The following PSAPL1 variants were observed in gnomAD, a reference collection of about 807,000 sequenced individuals.
The protein encoded by PSAPL1 is prosaposin like 1, also known as proactivator polypeptide-like 1.
For synonymous variants in PSAPL1, 351 were observed against 291.6 expected, an observed-to-expected ratio of 1.20 and a Z score of -2.08; for missense variants, 814 against 688.8, an observed-to-expected ratio of 1.18 and a Z score of -2.03.
Position 7,433,885 on chromosome 4 carries a change from A to G in PSAPL1, c.995T>C (p.Ile332Thr). 4.3e-6 allele frequency: 7 copies of G among 1,613,794 alleles called. No individual in the cohort carries two copies. Among genetic ancestry groups the G allele is most frequent in the Non-Finnish European group, 3.4e-6 (4 of 1,179,878 alleles). The change falls in exon 1 of 1, where the codon ATC becomes ACC. Residue 332 changes from isoleucine (I) to threonine (T), a missense_variant. Coordinates refer to ENST00000319098, the MANE Select transcript of PSAPL1 (RefSeq NM_001085382.2). ...ERVCSVMPASITKECIILVDT... is the reference protein window; with the variant it reads ...ERVCSVMPASTTKECIILVDT... ...CACCAAGATGATGCACTCCTTCGTG[A>G]TAGAGGCAGGCATTACCGAGCACAC... is the stretch of plus-strand genomic sequence containing the variant.
At position 7,430,898 on chromosome 4, in the gene PSAPL1, T is replaced by G. The variant is rs1726801048; in HGVS notation, c.*2416A>C. ...CAGTCTCAGTGCTGAATGGTGGTGC[T>G]GCCGTCAGCACCAGTGGGCCCGTCC... On this transcript the variant is annotated 3_prime_UTR_variant, in exon 1 of 1. Coordinates refer to ENST00000319098, the MANE Select transcript of PSAPL1 (RefSeq NM_001085382.2). The G allele has an allele frequency of 1.3e-5, 2 of 151,814 alleles. No homozygotes were observed. The highest frequency in any genetic ancestry group is 2.9e-5 in the Non-Finnish European group (2 of 67,978). 9.4% of individuals were successfully genotyped at this position (151,814 alleles called of 1,614,324 possible). A position where few individuals can be genotyped will look rare whatever the true frequency, so the allele number is the denominator to read the frequency against.
In PSAPL1 at chr4:7,434,342, C is replaced by G. The variant is rs769822761; in HGVS notation, c.538G>C (p.Glu180Gln). 1.2e-6 allele frequency: 2 copies of G among 1,609,858 alleles called. No individual in the cohort carries two copies. The highest frequency in any genetic ancestry group is 3.4e-5 in the Admixed American group (2 of 59,430). The change falls in exon 1 of 1, where the codon GAA becomes CAA. Residue 180 changes from glutamate to glutamine, a missense_variant. Transcript: ENST00000319098. ...PLTFHPRQAPEGALCQDCVRQ... is the reference protein window; with the variant it reads ...PLTFHPRQAPQGALCQDCVRQ... ...ACACAGTCTTGGCACAGAGCTCCTT[C>G]AGGCGCCTGGCGGGGGTGGAAGGTA...
Position 7,434,217 on chromosome 4 carries a change from G to T in PSAPL1, c.663C>A (p.Ala221=). 1 of 1,613,692 alleles carries T rather than the reference G, an allele frequency of 6.2e-7. No individual in the cohort carries two copies. Among genetic ancestry groups the T allele is most frequent in the Non-Finnish European group, 8.5e-7 (1 of 1,179,908 alleles). Residue 221 remains alanine, a synonymous_variant, in exon 1 of 1, where the codon GCC becomes GCA. Coordinates refer to ENST00000319098, the MANE Select transcript of PSAPL1 (RefSeq NM_001085382.2). ...GGAAGAGGTAGTTCTTGCAGAGGACGGCCAGGCCAGGCCCCAAGGACTCAC... is the reference window on the plus strand; with the variant it reads ...GGAAGAGGTAGTTCTTGCAGAGGACTGCCAGGCCAGGCCCCAAGGACTCAC... ...EQCESLGPGL[A]VLCKNYLFQF... is the part of the protein sequence containing the mutation.
At position 7,434,147 on chromosome 4, in the gene PSAPL1, G is replaced by C. The variant is rs765536291; in HGVS notation, c.733C>G (p.Gln245Glu). The C allele has an allele frequency of 1.2e-6, 2 of 1,613,776 alleles. No individual in the cohort carries two copies. Among genetic ancestry groups the C allele is most frequent in the Non-Finnish European group, 8.5e-7 (1 of 1,179,870 alleles). ...ADQALRLLPPQELCRKGGFCE... is the reference protein window; with the variant it reads ...ADQALRLLPPEELCRKGGFCE... ...AATCCCCCCTTCCTGCAGAGCTCCT[G>C]CGGGGGGAGAAGCCTCAGTGCTTGG... The change falls in exon 1 of 1, where the codon CAG becomes GAG. Residue 245 changes from glutamine (Q) to glutamate (E), a missense_variant. Gln to Glu is a conservative substitution (Grantham distance 29). Transcript: ENST00000319098.
Position 7,434,329 on chromosome 4 carries a change from C to T in PSAPL1, c.551G>A (p.Cys184Tyr), listed in dbSNP as rs1395980142. The T allele has an allele frequency of 1.9e-6, 3 of 1,610,900 alleles. No individual in the cohort carries two copies. The South Asian group carries it at 3.3e-5, about 18-fold the overall frequency. The change falls in exon 1 of 1, where the codon TGC becomes TAC. Residue 184 changes from cysteine to tyrosine, a missense_variant. By Grantham distance (194) the Cys-to-Tyr change is radical. Coordinates refer to ENST00000319098, the MANE Select transcript of PSAPL1 (RefSeq NM_001085382.2). ...GGAGACCTGCCGTACACAGTCTTGG[C>T]ACAGAGCTCCTTCAGGCGCCTGGCG... ...HPRQAPEGALCQDCVRQVSRL... is the reference protein window; with the variant it reads ...HPRQAPEGALYQDCVRQVSRL...
At position 7,433,572 on chromosome 4, in the gene PSAPL1, G is replaced by T. The variant is rs371026897; in HGVS notation, c.1308C>A (p.Ile436=). The change falls in exon 1 of 1, where the codon ATC becomes ATA. Residue 436 remains isoleucine, a synonymous_variant. Coordinates refer to ENST00000319098, the MANE Select transcript of PSAPL1 (RefSeq NM_001085382.2). The part of the protein sequence containing the change: ...GCSILPLPYM[I]QCKHFVTQYE... The stretch of plus-strand genomic sequence containing the variant: ...ACTGGGTGACGAAGTGCTTGCACTG[G>T]ATCATATAGGGCAGCGGCAGGATGC... 1.9e-6 allele frequency: 3 copies of T among 1,611,782 alleles called. No homozygotes were observed. Among genetic ancestry groups the T allele is most frequent in the Non-Finnish European group, 2.5e-6 (3 of 1,179,168 alleles).
rs1031132546 is a variant in PSAPL1 at position 7,432,455 on chromosome 4, A to G, written c.*859T>C. 3 of 152,138 alleles carry G rather than the reference A, an allele frequency of 2.0e-5. No homozygotes were observed. Among genetic ancestry groups the G allele is most frequent in the Admixed American group, 6.5e-5 (1 of 15,278 alleles). The allele number at this position is 152,138 out of a possible 1,614,324, so 9.4% of individuals were successfully genotyped here. A position where few individuals can be genotyped will look rare whatever the true frequency, so the allele number is the denominator to read the frequency against. On this transcript the variant is annotated 3_prime_UTR_variant, in exon 1 of 1. Coordinates refer to ENST00000319098, the MANE Select transcript of PSAPL1 (RefSeq NM_001085382.2). ...TATGATCATCCCCATTCTACAGATT[A>G]GAAAACTGAGGCTCAGACAGCTGGA... is the stretch of plus-strand genomic sequence containing the variant.
rs886782657 is a variant in PSAPL1, at chr4:7,432,720, G to A, written c.*594C>T. On this transcript the variant is annotated 3_prime_UTR_variant, in exon 1 of 1. Transcript: ENST00000319098. ...CTGCTCCGAAGCCCAGCAGCCCTTG[G>A]AGAATGTGACCAAAGCCCCAGACCT... is the stretch of plus-strand genomic sequence containing the variant. The A allele has an allele frequency of 6.6e-6, 1 of 152,314 alleles. No homozygotes were observed. Among genetic ancestry groups the A allele is most frequent in the African/African-American group, 2.4e-5 (1 of 41,408 alleles). The allele number at this position is 152,314 out of a possible 1,614,324, so 9.4% of individuals were successfully genotyped here. A position where few individuals can be genotyped will look rare whatever the true frequency, so the allele number is the denominator to read the frequency against.
Position 7,433,178 on chromosome 4 carries a change from T to G in PSAPL1, c.*136A>C. On this transcript the variant is annotated 3_prime_UTR_variant, in exon 1 of 1. Coordinates refer to ENST00000319098, the MANE Select transcript of PSAPL1 (RefSeq NM_001085382.2). ...GAGAGGCTTTCGGGATCAGGAATAC[T>G]TGGTTTTGAACTTCAGCTCTGCTCC... 1.1e-6 allele frequency: 1 copy of G among 898,822 alleles called. No homozygotes were observed. The highest frequency in any genetic ancestry group is 1.5e-6 in the Non-Finnish European group (1 of 665,484). The allele number at this position is 898,822 out of a possible 1,614,324, so 55.7% of individuals were successfully genotyped here. A position where few individuals can be genotyped will look rare whatever the true frequency, so the allele number is the denominator to read the frequency against.
rs761579710 is a variant in PSAPL1 at position 7,434,127 on chromosome 4, C to T, written c.753G>A (p.Gly251=). The T allele has an allele frequency of 7.4e-6, 12 of 1,613,148 alleles. No individual in the cohort carries two copies. In the African/African-American group the frequency reaches 1.1e-4, roughly 14 times the overall value. The change falls in exon 1 of 1, where the codon GGG becomes GGA. Residue 251 remains glycine (G), a synonymous_variant. Transcript: ENST00000319098. ...GTGCCCCTAGCTCCTCACAGAATCC[C>T]CCCTTCCTGCAGAGCTCCTGCGGGG... is the stretch of plus-strand genomic sequence containing the variant. ...LLPPQELCRK[G]GFCEELGAPA...
chr4:7,434,347 G>A lies in PSAPL1; in HGVS notation c.533C>T (p.Ala178Val), dbSNP rs763107725. The change falls in exon 1 of 1, where the codon GCG becomes GTG. Residue 178 changes from alanine to valine, a missense_variant. Physicochemically the swap from Ala to Val is moderately conservative, Grantham distance 64. Coordinates refer to ENST00000319098, the MANE Select transcript of PSAPL1 (RefSeq NM_001085382.2). ...GTCTTGGCACAGAGCTCCTTCAGGC[G>A]CCTGGCGGGGGTGGAAGGTAAGGGG... ...NGPLTFHPRQ[A>V]PEGALCQDCV... The A allele has an allele frequency of 9.3e-6, 15 of 1,608,722 alleles. No individual in the cohort carries two copies. The highest frequency in any genetic ancestry group is 6.7e-5 in the African/African-American group (5 of 74,874).
At position 7,433,296 on chromosome 4, in the gene PSAPL1, G is replaced by T; in HGVS notation, c.*18C>A. On this transcript the variant is annotated 3_prime_UTR_variant, in exon 1 of 1. Transcript: ENST00000319098. Reference sequence around the variant, plus strand: ...TCATGGGCCTCGCTAGCAGGCTCTGGGTCTCTGGCAGCCACGGTCACGCGT... The same window carrying T: ...TCATGGGCCTCGCTAGCAGGCTCTGTGTCTCTGGCAGCCACGGTCACGCGT... The T allele has an allele frequency of 2.9e-6, 4 of 1,370,844 alleles. No homozygotes were observed. Among genetic ancestry groups the T allele is most frequent in the Middle Eastern group, 3.8e-4 (2 of 5,318 alleles). 84.9% of individuals were successfully genotyped at this position (1,370,844 alleles called of 1,614,324 possible).
Position 7,433,087 on chromosome 4 carries a change from C to T in PSAPL1, c.*227G>A. ...CTTGGCTGGGTCAGGGAGCGGGGCA[C>T]ATGAGTGTGTTCCGGTCCAGTAGAG... On this transcript the variant is annotated 3_prime_UTR_variant, in exon 1 of 1. Coordinates refer to ENST00000319098, the MANE Select transcript of PSAPL1 (RefSeq NM_001085382.2). 1 of 392,230 alleles carries T rather than the reference C, an allele frequency of 2.5e-6. No homozygotes were observed. Among genetic ancestry groups the T allele is most frequent in the Non-Finnish European group, 4.4e-6 (1 of 227,906 alleles). 24.3% of individuals were successfully genotyped at this position (392,230 alleles called of 1,614,324 possible).
rs1726816691 is a variant in PSAPL1 at position 7,431,077 on chromosome 4, T to G, written c.*2237A>C. The stretch of plus-strand genomic sequence containing the variant: ...AGGCCTCCACAGCTTTGGTGGCGGA[T>G]GAGTGAGTGGAGGGGTCAGAGGGCC... On this transcript the variant is annotated 3_prime_UTR_variant, in exon 1 of 1. Transcript: ENST00000319098. The G allele has an allele frequency of 6.6e-6, 1 of 152,292 alleles. No homozygotes were observed. Among genetic ancestry groups the G allele is most frequent in the Admixed American group, 6.5e-5 (1 of 15,284 alleles). 9.4% of individuals were successfully genotyped at this position (152,292 alleles called of 1,614,324 possible). A position where few individuals can be genotyped will look rare whatever the true frequency, so the allele number is the denominator to read the frequency against.
rs746037915 is a variant in PSAPL1, at chr4:7,433,943, A to G, written c.937T>C (p.Ser313Pro). ...KLDHWLMSNS[S>P]ELMITHALER... ...AGGGCATGGGTGATCATGAGCTCAG[A>G]GCTGTTGGACATGAGCCAGTGGTCC... Residue 313 changes from serine to proline, a missense_variant, in exon 1 of 1, where the codon TCT becomes CCT. By Grantham distance (74) the Ser-to-Pro change is moderately conservative. Coordinates refer to ENST00000319098, the MANE Select transcript of PSAPL1 (RefSeq NM_001085382.2). 1 of 1,613,834 alleles carries G rather than the reference A, an allele frequency of 6.2e-7. No individual in the cohort carries two copies. The highest frequency in any genetic ancestry group is 8.5e-7 in the Non-Finnish European group (1 of 1,179,878).
Position 7,434,150 on chromosome 4 carries a change from G to T in PSAPL1, c.730C>A (p.Pro244Thr), listed in dbSNP as rs1234266136. ...CCCCCCTTCCTGCAGAGCTCCTGCG[G>T]GGGGAGAAGCCTCAGTGCTTGGTCA... ...PADQALRLLP[P>T]QELCRKGGFC... The change falls in exon 1 of 1, where the codon CCG becomes ACG. Residue 244 changes from proline (P) to threonine (T), a missense_variant. Physicochemically the swap from Pro to Thr is conservative, Grantham distance 38. Coordinates refer to ENST00000319098, the MANE Select transcript of PSAPL1 (RefSeq NM_001085382.2). The T allele has an allele frequency of 6.2e-7, 1 of 1,613,912 alleles. No individual in the cohort carries two copies. Among genetic ancestry groups the T allele is most frequent in the Non-Finnish European group, 8.5e-7 (1 of 1,179,854 alleles).
chr4:7,434,167 GC>G, the PSAPL1 span: 1 of 1,613,948 alleles, frequency 6.2e-7, no homozygotes. Context: ...AAGCCTCAGT[GC>G]TTGGTCAGCA....
the PSAPL1 span, chr4:7,433,851 G>C: frequency 1.2e-6 from 2 of 1,613,796 alleles, no homozygotes; most frequent in African/African-American, 2.7e-5. Flanking sequence ...AGGAGGGGCT[G>C]TAGGTGTCCA....
rs1437327344 is a variant in PSAPL1 at position 7,434,651 on chromosome 4, C to T, written c.229G>A (p.Gly77Arg). ...CQDIAAAAGN[G>R]LNPDATESDI... Reference sequence around the variant, plus strand: ...GACTCCGTGGCGTCAGGGTTCAGCCCATTGCCAGCGGCGGCTGCTATGTCC... The same window carrying T: ...GACTCCGTGGCGTCAGGGTTCAGCCTATTGCCAGCGGCGGCTGCTATGTCC... The change falls in exon 1 of 1, where the codon GGG (glycine) becomes AGG (arginine). Residue 77 changes from glycine (G) to arginine (R), a missense_variant. Physicochemically the swap from Gly to Arg is moderately radical, Grantham distance 125. Transcript: ENST00000319098. 8.1e-6 allele frequency: 13 copies of T among 1,613,254 alleles called. No individual in the cohort carries two copies. Among genetic ancestry groups the T allele is most frequent in the Non-Finnish European group, 1.1e-5 (13 of 1,179,638 alleles).
Sources: allele counts gnomAD v4.1 joint callset, GRCh38; gene constraint gnomAD v4.1.1; transcripts MANE v1.5; gene names NCBI Gene and HGNC (gene_info 2026-07-23, HGNC 2026-07-21).